Variants in OSBPL11 observed in about 807,000 individuals in gnomAD.
The protein encoded by OSBPL11 is oxysterol binding protein like 11.
In OSBPL11, 33 loss-of-function variants were observed where a neutral mutation model predicts 84.4. The observed-to-expected ratio is 0.39, with a 90% CI of 0.30 to 0.52. The LOEUF is 0.52. Among genes scored for constraint, OSBPL11 ranks in the 20% least tolerant of loss-of-function variants. The probability of loss-of-function intolerance (pLI) is 0.72; values close to 1 mark genes in which losing one functional copy is unlikely to be tolerated. For missense variants in OSBPL11, 736 were observed against 901.1 expected (o/e 0.82, Z 2.35); for synonymous variants, 276 against 310.2 (o/e 0.89, Z 1.16).
chr3:125,550,609 A>C (rs1026669667), intron 9 of OSBPL11, among the ~76,000 whole-genome samples: 2 of 152,204 alleles, frequency 1.3e-5, no homozygotes, highest in Non-Finnish European at 2.9e-5. Flanking sequence ...CTTACACTGT[A>C]AGATGACATT....
At chr3:125,576,090 G>A in intron 5 of OSBPL11, 99 bp downstream of exon 5, 1 of 1,007,964 alleles carries the variant, frequency 9.9e-7, no homozygotes, top group Non-Finnish European at 1.5e-6. Flanking sequence ...AAACAATGAA[G>A]GCCCTTGAAG....
At chr3:125,536,885 A>T (rs1397175612) in intron 11 of OSBPL11, among the ~76,000 whole-genome samples, 1 of 152,090 alleles carries the variant, frequency 6.6e-6, no homozygotes, top group Non-Finnish European at 1.5e-5. Context: ...TCGGCCAGGC[A>T]CGGTGGCTCA....
chr3:125,575,006 C>T (rs780394825), intron 5 of OSBPL11, among the ~76,000 whole-genome samples: 12 of 152,086 alleles, frequency 7.9e-5, no homozygotes, highest in Admixed American at 2.0e-4. Context: ...GGTATAGTAA[C>T]AAAGAATAGC....
chr3:125,572,570 G>A (rs1936257705), intron 5 of OSBPL11, among the ~76,000 whole-genome samples: 1 of 152,048 alleles, frequency 6.6e-6, no homozygotes. Flanking sequence ...TCTTGTGATA[G>A]TGAATAAGTC....
At position 125,576,172 on chromosome 3, in the gene OSBPL11, CTT is replaced by C; in HGVS notation, c.666+15_666+16del. 1 of 1,589,994 alleles carries C rather than the reference CTT, an allele frequency of 6.3e-7. No homozygotes were observed. The highest frequency in any genetic ancestry group is 8.5e-7 in the Non-Finnish European group (1 of 1,171,300). ...AATCATTTTGTGCATTTTAACTTGACTTTAATTCATACTTACTTCTCTGACTT... is the reference window on the plus strand; with the variant it reads ...AATCATTTTGTGCATTTTAACTTGACTAATTCATACTTACTTCTCTGACTT... On this transcript the variant is annotated intron_variant, in intron 5 of 12. Coordinates refer to ENST00000296220, the MANE Select transcript of OSBPL11 (RefSeq NM_022776.5).
intron 5 of OSBPL11, among the ~76,000 whole-genome samples, chr3:125,575,819 G>C (rs1365237877): frequency 2.0e-5 from 3 of 151,880 alleles, no homozygotes; most frequent in Non-Finnish European, 4.4e-5. Flanking sequence ...TTACAGGCTT[G>C]AGCCATCATG....
intron 1 of OSBPL11, among the ~76,000 whole-genome samples, chr3:125,591,480 C>A (rs1404447069): frequency 6.6e-6 from 1 of 152,166 alleles, no homozygotes; most frequent in East Asian, 1.9e-4. Context: ...TGTGAAGAAG[C>A]CCATGTGGCC....
chr3:125,577,214 T>C (rs1325574974), intron 4 of OSBPL11, among the ~76,000 whole-genome samples: 1 of 149,172 alleles, frequency 6.7e-6, no homozygotes, highest in Admixed American at 6.7e-5. Context: ...GAAGAACGAT[T>C]AAAAAAAAAA....
Position 125,531,802 on chromosome 3 carries a change from TA to T in OSBPL11, c.2178+58del, listed in dbSNP as rs1559832525. ...GTGATAGCAATTCAACAAAGCCTAG[TA>T]AGCTAAAGTTCTCAGCCAAGTAGAT... On this transcript the variant is annotated intron_variant, in intron 12 of 12. Coordinates refer to ENST00000296220, the MANE Select transcript of OSBPL11 (RefSeq NM_022776.5). 9 of 1,478,830 alleles carry T rather than the reference TA, an allele frequency of 6.1e-6. No individual in the cohort carries two copies. The African/African-American group carries it at 1.3e-4, about 21-fold the overall frequency. 91.6% of individuals were successfully genotyped at this position (1,478,830 alleles called of 1,614,324 possible).
At chr3:125,579,389 G>A (rs1332227703) in intron 3 of OSBPL11, among the ~76,000 whole-genome samples, 1 of 152,062 alleles carries the variant, frequency 6.6e-6, no homozygotes, top group Non-Finnish European at 1.5e-5. Flanking sequence ...CGCTCACTTA[G>A]GATTACCATT....
Position 125,576,368 on chromosome 3 carries a change from G to A in OSBPL11, c.490-3C>T. ...CGTGACTTCAGAGGAGGATTATTCT[G>A]TTAGACAAAGAAAATCATTCCTTTT... On this transcript the variant is annotated splice_polypyrimidine_tract_variant and splice_region_variant and intron_variant, in intron 4 of 12. Transcript: ENST00000296220. 1 of 1,544,716 alleles carries A rather than the reference G, an allele frequency of 6.5e-7. No individual in the cohort carries two copies.
intron 1 of OSBPL11, among the ~76,000 whole-genome samples, chr3:125,590,283 C>T (rs1936577202): frequency 6.6e-6 from 1 of 152,200 alleles, no homozygotes; most frequent in South Asian, 2.1e-4. Flanking sequence ...GGCACGGTGG[C>T]TCACGCCTGT....
At chr3:125,594,106 A>C (rs2107616336) in intron 1 of OSBPL11, among the ~76,000 whole-genome samples, 1 of 152,330 alleles carries the variant, frequency 6.6e-6, no homozygotes. Flanking sequence ...GGTTTAGTTT[A>C]TCAGAGGCAT....
At chr3:125,542,383 GATCTCGGCTCGGCACA>G (rs2107590090) in intron 10 of OSBPL11, among the ~76,000 whole-genome samples, 1 of 151,202 alleles carries the variant, frequency 6.6e-6, no homozygotes, top group Non-Finnish European at 1.5e-5. Context: ...GCAATGGTGC[GATCTCGGCTCGGCACA>G]ATCTCGGCTC....
chr3:125,571,649 C>A (rs544887143), intron 5 of OSBPL11, among the ~76,000 whole-genome samples: 1 of 152,198 alleles, frequency 6.6e-6, no homozygotes, highest in Non-Finnish European at 1.5e-5. Context: ...TCGTCTGTGG[C>A]CTCAGAGGCT....
intron 9 of OSBPL11, among the ~76,000 whole-genome samples, chr3:125,549,164 G>C (rs148541026): frequency 6.6e-6 from 1 of 152,222 alleles, no homozygotes; most frequent in African/African-American, 2.4e-5. Context: ...TGGGATTACA[G>C]GTGCCTGCTA....
rs890116378 is a variant in OSBPL11, at chr3:125,529,407, T to C, written c.*1108A>G. 1 of 151,596 alleles carries C rather than the reference T, an allele frequency of 6.6e-6. No individual in the cohort carries two copies. The highest frequency in any genetic ancestry group is 1.5e-5 in the Non-Finnish European group (1 of 67,958). The allele number at this position is 151,596 out of a possible 1,614,324, so 9.4% of individuals were successfully genotyped here. On this transcript the variant is annotated 3_prime_UTR_variant, in exon 13 of 13. Coordinates refer to ENST00000296220, the MANE Select transcript of OSBPL11 (RefSeq NM_022776.5). ...CAACTTCCTGATCTTTTTTTCCTGA[T>C]ACCTTTTCATTTCGTTGTTTCTTTA...
intron 10 of OSBPL11, among the ~76,000 whole-genome samples, chr3:125,542,972 C>T (rs1935755185): frequency 6.6e-6 from 1 of 151,330 alleles, no homozygotes; most frequent in Non-Finnish European, 1.5e-5. Context: ...TAGTGAAATT[C>T]TGAAATACTT....
At chr3:125,531,802 T>A (rs910181195) in intron 12 of OSBPL11, 59 bp downstream of exon 12, 12 of 1,478,952 alleles carry the variant, frequency 8.1e-6, no homozygotes, top group Non-Finnish European at 1.1e-5. Context: ...CAAAGCCTAG[T>A]AAGCTAAAGT....
Sources: allele counts gnomAD v4.1 joint callset (sites outside exome capture counted in the v4.1 genomes callset), GRCh38; gene constraint gnomAD v4.1.1; transcripts MANE v1.5; gene names NCBI Gene and HGNC (gene_info 2026-07-23, HGNC 2026-07-21).